Variants in CERK observed in about 807,000 individuals in gnomAD.
CERK encodes the protein acylsphingosine kinase.
In CERK, 39 loss-of-function variants were observed where a neutral mutation model predicts 63.4. The ratio of observed to expected loss-of-function variants is 0.61; its 90% CI spans 0.48 to 0.80. The LOEUF (loss-of-function observed/expected upper bound fraction) is 0.80. Ranked by LOEUF, CERK falls within the 30% of genes least tolerant of loss-of-function variation. The pLI is 0.00. For synonymous variants in CERK, 302 were observed against 280.0 expected (o/e 1.08, Z -0.78); for missense variants, 670 against 714.1 (o/e 0.94, Z 0.70).
At chr22:46,726,380 G>A (rs2082918307) in intron 1 of CERK, among the ~76,000 whole-genome samples, 1 of 152,194 alleles carries the variant, frequency 6.6e-6, no homozygotes. Flanking sequence ...CTGGAGCAGT[G>A]CCAAGTACAG....
chr22:46,710,495 C>A (rs764409081), intron 5 of CERK, among the ~76,000 whole-genome samples: 1 of 151,418 alleles, frequency 6.6e-6, no homozygotes, highest in African/African-American at 2.4e-5. Flanking sequence ...TGGCTGTACA[C>A]GGCAGAGATT....
At chr22:46,700,627 C>T (rs1022924053) in intron 7 of CERK, among the ~76,000 whole-genome samples, 2 of 152,134 alleles carry the variant, frequency 1.3e-5, no homozygotes, top group Admixed American at 6.5e-5. Flanking sequence ...GTGGGAGGAT[C>T]GCTTGAGTTC....
At chr22:46,687,712 G>A (rs1156616033) in intron 12 of CERK, among the ~76,000 whole-genome samples, 2 of 152,156 alleles carry the variant, frequency 1.3e-5, no homozygotes, top group African/African-American at 4.8e-5. Context: ...GTGGCCCAAC[G>A]CCAGCAAGAG....
At position 46,729,672 on chromosome 22, in the gene CERK, C is replaced by T. The variant is rs146278638; in HGVS notation, c.142+8335G>A. Among the ~76,000 whole-genome samples, 107 of 152,232 alleles carry T rather than the reference C, an allele frequency of 7.0e-4. No homozygotes were observed. In the Middle Eastern group the frequency reaches 0.01, roughly 15 times the overall value. On this transcript the variant is annotated intron_variant, in intron 1 of 12. Coordinates refer to ENST00000216264, the MANE Select transcript of CERK (RefSeq NM_022766.6). ...CACACCAAGAACCAGGAAATGTTAA[C>T]GTTCTCAAGGGAATAATCAAAAGAC...
chr22:46,720,854 T>C (rs990212495), intron 2 of CERK, 48 bp downstream of exon 2: 12 of 1,156,904 alleles, frequency 1.0e-5, no homozygotes, highest in Admixed American at 3.4e-5. Flanking sequence ...TCGTGTAATC[T>C]ACATAGAATT....
At chr22:46,719,158 G>A (rs898350546) in intron 3 of CERK, among the ~76,000 whole-genome samples, 2 of 151,496 alleles carry the variant, frequency 1.3e-5, no homozygotes, top group Admixed American at 6.6e-5. Flanking sequence ...TTGTGTGTGT[G>A]TGTGTGTGTG....
At chr22:46,695,424 C>A in intron 8 of CERK, 109 bp from the exon 9 acceptor site, 1 of 747,948 alleles carries the variant, frequency 1.3e-6, no homozygotes, top group Non-Finnish European at 2.4e-6. Flanking sequence ...CTGCCTAAAC[C>A]GTCTGCAGGA....
In CERK at chr22:46,724,205, C is replaced by A. The variant is rs78313890; in HGVS notation, c.143-3190G>T. 7.1e-4 allele frequency among the ~76,000 whole-genome samples: 108 copies of A among 152,294 alleles called. 1 individual carries two copies. In the East Asian group the frequency reaches 0.016, roughly 23 times the overall value. ...ACTTACCAGATAGTAAACACATTTT[C>A]TCTTCCTTATGGTTTTCTTAACCAC... On this transcript the variant is annotated intron_variant, in intron 1 of 12. Coordinates refer to ENST00000216264, the MANE Select transcript of CERK (RefSeq NM_022766.6).
intron 6 of CERK, among the ~76,000 whole-genome samples, chr22:46,702,475 T>C (rs1193915577): frequency 6.6e-6 from 1 of 152,044 alleles, no homozygotes; most frequent in Non-Finnish European, 1.5e-5. Flanking sequence ...GTATTCTTAG[T>C]AGAGGCAGGG....
intron 1 of CERK, among the ~76,000 whole-genome samples, chr22:46,721,486 A>G (rs1026096354): frequency 6.6e-6 from 1 of 151,980 alleles, no homozygotes; most frequent in Non-Finnish European, 1.5e-5. Context: ...TCACAAATAA[A>G]TAACTGTGGG....
rs774368395 is a variant in CERK at position 46,707,899 on chromosome 22, T to C, written c.659A>G (p.Asn220Ser). 1.9e-6 allele frequency: 3 copies of C among 1,613,716 alleles called. No individual in the cohort carries two copies. The highest frequency in any genetic ancestry group is 2.5e-6 in the Non-Finnish European group (3 of 1,179,948). ...GGGGACCAGCACAGCCCGGGGGTGG[T>C]TCTGGTCGACCCCGGCGCTCCTCTG... ...RTQRSAGVDQ[N>S]HPRAVLVPSS... The change falls in exon 6 of 13, where the codon AAC becomes AGC. Residue 220 changes from asparagine (N) to serine (S), a missense_variant. By Grantham distance (46) the Asn-to-Ser change is conservative. Coordinates refer to ENST00000216264, the MANE Select transcript of CERK (RefSeq NM_022766.6).
intron 3 of CERK, among the ~76,000 whole-genome samples, chr22:46,719,174 CTACCA>C (rs1569327447): frequency 6.6e-6 from 1 of 150,520 alleles, no homozygotes; most frequent in Non-Finnish European, 1.5e-5. Context: ...GTGTGTGTGT[CTACCA>C]TATGTTCCTT....
At chr22:46,726,173 T>C (rs2082917137) in intron 1 of CERK, among the ~76,000 whole-genome samples, 1 of 152,172 alleles carries the variant, frequency 6.6e-6, no homozygotes, top group Admixed American at 6.5e-5. Flanking sequence ...AACATGCCGC[T>C]CCAGACCTCA....
Position 46,690,112 on chromosome 22 carries a change from T to G in CERK, c.1421A>C (p.Glu474Ala). 1 of 1,613,964 alleles carries G rather than the reference T, an allele frequency of 6.2e-7. No homozygotes were observed. The highest frequency in any genetic ancestry group is 8.5e-7 in the Non-Finnish European group (1 of 1,179,952). Residue 474 changes from glutamate (E) to alanine (A), a missense_variant, in exon 12 of 13, where the codon GAG becomes GCG. Glu to Ala is a moderately radical substitution (Grantham distance 107). Coordinates refer to ENST00000216264, the MANE Select transcript of CERK (RefSeq NM_022766.6). ...HMEDEDSDLKEGGKKRFGHIC... is the reference protein window; with the variant it reads ...HMEDEDSDLKAGGKKRFGHIC... ...GTGCCCAAAGCGCTTCTTCCCCCCCTCCTTGAGGTCGCTGTCCTCATCCTC... is the reference window on the plus strand; with the variant it reads ...GTGCCCAAAGCGCTTCTTCCCCCCCGCCTTGAGGTCGCTGTCCTCATCCTC...
intron 6 of CERK, 123 bp downstream of exon 6, chr22:46,707,720 G>C (rs902843185): frequency 8.8e-7 from 1 of 1,138,960 alleles, no homozygotes; most frequent in Non-Finnish European, 1.2e-6. Context: ...CCTAATGTTA[G>C]GAAATCTGTA....
chr22:46,705,529 G>A (rs555821736), intron 6 of CERK, among the ~76,000 whole-genome samples: 2 of 152,286 alleles, frequency 1.3e-5, no homozygotes, highest in African/African-American at 4.8e-5. Context: ...AAATTAGCCA[G>A]GCATGGTGGT....
chr22:46,720,994 G>T lies in CERK; in HGVS notation c.164C>A (p.Ser55Tyr), dbSNP rs1416587368. 6.2e-7 allele frequency: 1 copy of T among 1,613,176 alleles called. No individual in the cohort carries two copies. The highest frequency in any genetic ancestry group is 8.5e-7 in the Non-Finnish European group (1 of 1,179,350). The change falls in exon 2 of 13, where the codon TCT becomes TAT. Residue 55 changes from serine (S) to tyrosine (Y), a missense_variant. By Grantham distance (144) the Ser-to-Tyr change is moderately radical (BLOSUM62 -2). Transcript: ENST00000216264. ...TGTTTCCTCAACGGCGATGATCTCAGATACAGGCACAGAGCAGGCATCTGT... is the reference window on the plus strand; with the variant it reads ...TGTTTCCTCAACGGCGATGATCTCATATACAGGCACAGAGCAGGCATCTGT... ...PGADACSVPV[S>Y]EIIAVEETDV...
chr22:46,704,147 G>A (rs1466925127), intron 6 of CERK, among the ~76,000 whole-genome samples: 1 of 152,230 alleles, frequency 6.6e-6, no homozygotes, highest in African/African-American at 2.4e-5. Flanking sequence ...AAGGCCTAGA[G>A]GAGGGCAGGG....
In CERK at chr22:46,714,644, C is replaced by G. The variant is rs2082858340; in HGVS notation, c.380-2351G>C. ...ATGAAAACTTCTCACAAAGAAAACT[C>G]CAAGCCCAGATGATTTCACAACTGA... On this transcript the variant is annotated intron_variant, in intron 3 of 12. Transcript: ENST00000216264. The surrounding 1 kb of genome is among the most constrained non-coding windows in gnomAD (Gnocchi z 4.4). Among the ~76,000 whole-genome samples, 1 of 152,096 alleles carries G rather than the reference C, an allele frequency of 6.6e-6. No homozygotes were observed. The highest frequency in any genetic ancestry group is 1.5e-5 in the Non-Finnish European group (1 of 68,018).
Sources: gnomAD v4.1 joint callset for allele counts (sites outside exome capture counted in the v4.1 genomes callset) on GRCh38, gnomAD v4.1.1 for gene constraint, Gnocchi (gnomAD v3.1) non-coding constraint, MANE v1.5 for transcripts, NCBI Gene and HGNC (gene_info 2026-07-23, HGNC 2026-07-21) for gene names.